Variants in ZFYVE9 observed in about 807,000 individuals in gnomAD.
ZFYVE9 encodes the protein zinc finger FYVE-type containing 9, also known as zinc finger FYVE domain-containing protein 9.
In ZFYVE9, 43 loss-of-function variants were observed where a neutral mutation model predicts 126.7. That is an observed-to-expected ratio of 0.34 (90% CI 0.27 to 0.44). The LOEUF (loss-of-function observed/expected upper bound fraction) is 0.44. ZFYVE9 is among the 20% of genes least tolerant of loss of function. The pLI is 1.00. For missense variants in ZFYVE9, 1,476 were observed against 1,697.0 expected, an observed-to-expected ratio of 0.87 and a Z score of 2.29; for synonymous variants, 521 against 597.4, an observed-to-expected ratio of 0.87 and a Z score of 1.87.
Position 52,239,220 on chromosome 1 carries a change from T to C in ZFYVE9, c.1803T>C (p.Asn601=). ...IPKPLSDHLQ[N]DFPANSGNNT... ...AGCCATTATCAGACCATTTACAAAATGACTTTCCTGCAAACAGTGGAAATA... is the reference window on the plus strand; with the variant it reads ...AGCCATTATCAGACCATTTACAAAACGACTTTCCTGCAAACAGTGGAAATA... The change falls in exon 4 of 19, where the codon AAT becomes AAC. Residue 601 remains asparagine, a synonymous_variant. Transcript: ENST00000287727. 6.2e-7 allele frequency: 1 copy of C among 1,614,122 alleles called. No homozygotes were observed. Among genetic ancestry groups the C allele is most frequent in the Non-Finnish European group, 8.5e-7 (1 of 1,180,006 alleles).
chr1:52,222,048 T>C (rs1645128832), intron 2 of ZFYVE9, among the ~76,000 whole-genome samples: 1 of 152,220 alleles, frequency 6.6e-6, no homozygotes, highest in Admixed American at 6.5e-5. Flanking sequence ...CCTTTACTGA[T>C]TAGGTGTCCT....
At chr1:52,183,730 T>A (rs1207744867) in intron 1 of ZFYVE9, among the ~76,000 whole-genome samples, 1 of 152,178 alleles carries the variant, frequency 6.6e-6, no homozygotes, top group Non-Finnish European at 1.5e-5. Context: ...GGTCTCAAAC[T>A]CCTGAGCTTA....
chr1:52,279,760 C>T (rs989182135), intron 9 of ZFYVE9, among the ~76,000 whole-genome samples: 9 of 152,070 alleles, frequency 5.9e-5, no homozygotes, highest in African/African-American at 7.2e-5. Context: ...TGAGCCACTG[C>T]GCCAGCTAGT....
At chr1:52,292,307 GA>G (rs962387047) in intron 10 of ZFYVE9, among the ~76,000 whole-genome samples, 1 of 149,016 alleles carries the variant, frequency 6.7e-6, no homozygotes, top group Admixed American at 6.7e-5. Context: ...AACAAAACGA[GA>G]AAAAAACAAC....
At chr1:52,201,965 G>T (rs534790310) in intron 1 of ZFYVE9, among the ~76,000 whole-genome samples, 1 of 151,420 alleles carries the variant, frequency 6.6e-6, no homozygotes, top group Non-Finnish European at 1.5e-5. Context: ...TGTATTTTTA[G>T]TAGAGACAGG....
chr1:52,257,820 C>G (rs1372993037), intron 4 of ZFYVE9, among the ~76,000 whole-genome samples: 1 of 152,158 alleles, frequency 6.6e-6, no homozygotes, highest in Non-Finnish European at 1.5e-5. Flanking sequence ...CTGCAACCTC[C>G]ACCTCTTGGG....
intron 5 of ZFYVE9, among the ~76,000 whole-genome samples, chr1:52,264,766 G>A (rs1457081785): frequency 2.0e-5 from 3 of 152,126 alleles, no homozygotes; most frequent in African/African-American, 7.2e-5. Context: ...ATGTTTTCTT[G>A]TTGCTGGCTT....
At chr1:52,217,569 T>C (rs141690526) in intron 2 of ZFYVE9, among the ~76,000 whole-genome samples, 186 of 152,344 alleles carry the variant, frequency 1.2e-3, no homozygotes, top group African/African-American at 4.1e-3. Flanking sequence ...TATGAGCCTT[T>C]GGGTTAACCC....
intron 13 of ZFYVE9, among the ~76,000 whole-genome samples, chr1:52,314,919 G>A (rs1264803177): frequency 2.0e-5 from 3 of 152,176 alleles, no homozygotes; most frequent in African/African-American, 2.4e-5. Context: ...GGGCGGCAGA[G>A]GTTGCAGTGA....
intron 8 of ZFYVE9, among the ~76,000 whole-genome samples, chr1:52,277,575 A>G (rs909359508): frequency 8.5e-5 from 13 of 152,214 alleles, no homozygotes; most frequent in African/African-American, 3.1e-4. Flanking sequence ...GATATTTCCC[A>G]TTGTATCCAA....
intron 4 of ZFYVE9, among the ~76,000 whole-genome samples, chr1:52,261,348 C>T (rs987568132): frequency 6.6e-6 from 1 of 151,850 alleles, no homozygotes; most frequent in Non-Finnish European, 1.5e-5. Context: ...AGCCATCTTC[C>T]TGCCTCAGCC....
chr1:52,275,903 A>ATTTT (rs34282653), intron 8 of ZFYVE9, among the ~76,000 whole-genome samples: 32 of 115,658 alleles, frequency 2.8e-4, no homozygotes, highest in African/African-American at 3.7e-4. Context: ...TTAGCAAGCA[A>ATTTT]TTTTTTTTTT....
At chr1:52,312,325 T>C (rs1646146186) in intron 13 of ZFYVE9, among the ~76,000 whole-genome samples, 1 of 152,170 alleles carries the variant, frequency 6.6e-6, no homozygotes, top group Admixed American at 6.5e-5. Flanking sequence ...TAGCACAGCA[T>C]CCACCATTAA....
intron 1 of ZFYVE9, among the ~76,000 whole-genome samples, chr1:52,175,765 T>C (rs957147710): frequency 6.6e-6 from 1 of 152,250 alleles, no homozygotes; most frequent in African/African-American, 2.4e-5. Context: ...TCATCTTCCA[T>C]CACTGAAACC....
intron 13 of ZFYVE9, among the ~76,000 whole-genome samples, chr1:52,327,979 G>GA (rs1196600729): frequency 0.048 from 6,101 of 127,708 alleles, 303 homozygotes; most frequent in African/African-American, 0.14. Context: ...GTCTCAAAAA[G>GA]AAAAAAAAAA....
intron 13 of ZFYVE9, among the ~76,000 whole-genome samples, chr1:52,312,314 A>G (rs1346466449): frequency 6.6e-6 from 1 of 152,202 alleles, no homozygotes; most frequent in East Asian, 1.9e-4. Context: ...CTATAAAGGA[A>G]TAGCACAGCA....
chr1:52,285,090 T>C (rs996260915), intron 10 of ZFYVE9, among the ~76,000 whole-genome samples: 1 of 152,166 alleles, frequency 6.6e-6, no homozygotes, highest in Non-Finnish European at 1.5e-5. Context: ...ATGGCGTACC[T>C]AAATCACAGA....
At chr1:52,175,971 C>A (rs984722503) in intron 1 of ZFYVE9, among the ~76,000 whole-genome samples, 4 of 152,148 alleles carry the variant, frequency 2.6e-5, no homozygotes, top group Non-Finnish European at 5.9e-5. Flanking sequence ...GTAGTTTGAT[C>A]GTCTGAAGCC....
At position 52,181,936 on chromosome 1, in the gene ZFYVE9, C is replaced by G. The variant is rs558601491; in HGVS notation, c.-142-34433C>G. Among the ~76,000 whole-genome samples the G allele has an allele frequency of 9.3e-3, 1,411 of 152,072 alleles. 32 individuals carry two copies. Among genetic ancestry groups the G allele is most frequent in the African/African-American group, 0.032 (1,339 of 41,502 alleles). Reference sequence around the variant, plus strand: ...GAGCGTCTCCGCCCGGCAGCCACCCCGTCGGGGAGGGAGGTGGGGGTCAGC... The same window carrying G: ...GAGCGTCTCCGCCCGGCAGCCACCCGGTCGGGGAGGGAGGTGGGGGTCAGC... On this transcript the variant is annotated intron_variant, in intron 1 of 18. Coordinates refer to ENST00000287727, the MANE Select transcript of ZFYVE9 (RefSeq NM_004799.4).
Sources: allele counts gnomAD v4.1 joint callset (sites outside exome capture counted in the v4.1 genomes callset), GRCh38; gene constraint gnomAD v4.1.1; transcripts MANE v1.5; gene names NCBI Gene and HGNC (gene_info 2026-07-23, HGNC 2026-07-21).